PTPRR: variants seen among roughly 807,000 people sequenced by gnomAD.
PTPRR encodes receptor-type tyrosine-protein phosphatase R.
PTPRR carries 38 observed loss-of-function variants against 77.2 expected under a neutral mutation model. That is an observed-to-expected ratio of 0.49 (90% CI 0.38 to 0.65). PTPRR has a LOEUF of 0.65. Ranked by LOEUF, PTPRR falls within the 30% of genes least tolerant of loss-of-function variation. The pLI, the probability that PTPRR is intolerant of heterozygous loss-of-function variation, is 0.00. For synonymous variants in PTPRR, 299 were observed against 283.1 expected, an observed-to-expected ratio of 1.06 and a Z score of -0.57; for missense variants, 744 against 799.2, an observed-to-expected ratio of 0.93 and a Z score of 0.83.
At chr12:70,808,746 C>T (rs376573778) in intron 2 of PTPRR, among the ~76,000 whole-genome samples, 1 of 152,162 alleles carries the variant, frequency 6.6e-6, no homozygotes, top group Non-Finnish European at 1.5e-5. Context: ...TAGATCCAGA[C>T]ATATCATACT....
chr12:70,662,579 C>T lies in PTPRR; in HGVS notation c.1524G>A (p.Lys508=), dbSNP rs752288704. The T allele has an allele frequency of 6.2e-7, 1 of 1,611,446 alleles. No individual in the cohort carries two copies. The highest frequency in any genetic ancestry group is 1.1e-5 in the South Asian group (1 of 91,020). ...NEKCVLYWPE[K]RGIYGKVEVL... is the part of the protein sequence containing the mutation. The stretch of plus-strand genomic sequence containing the variant: ...CCTCAACTTTTCCATATATCCCTCT[C>T]TTTTCCGGCCAGTATAGCACACATT... The change falls in exon 11 of 14, where the codon AAG becomes AAA. Residue 508 remains lysine, a synonymous_variant. Transcript: ENST00000283228.
At chr12:70,870,978 C>T (rs574578383) in intron 2 of PTPRR, among the ~76,000 whole-genome samples, 1 of 152,138 alleles carries the variant, frequency 6.6e-6, no homozygotes, top group African/African-American at 2.4e-5. Context: ...AAAATATAAC[C>T]AACACTTGGG....
chr12:70,823,971 G>A (rs1418475120), intron 2 of PTPRR, among the ~76,000 whole-genome samples: 3 of 152,204 alleles, frequency 2.0e-5, no homozygotes, highest in Non-Finnish European at 4.4e-5. Flanking sequence ...CAGTGAGGGA[G>A]ACACAAGGGG....
At chr12:70,862,888 TC>T (rs1465740166) in intron 2 of PTPRR, among the ~76,000 whole-genome samples, 1 of 152,038 alleles carries the variant, frequency 6.6e-6, no homozygotes. Flanking sequence ...AAAGAAAAGA[TC>T]AATCAACTTA....
chr12:70,743,278 T>C lies in PTPRR; in HGVS notation c.1007+2540A>G, dbSNP rs1462911515. 3.3e-5 allele frequency among the ~76,000 whole-genome samples: 5 copies of C among 152,262 alleles called. No individual in the cohort carries two copies. In the East Asian group the frequency reaches 9.7e-4, roughly 29 times the overall value. On this transcript the variant is annotated intron_variant, in intron 6 of 13. Coordinates refer to ENST00000283228, the MANE Select transcript of PTPRR (RefSeq NM_002849.4). Reference sequence around the variant, plus strand: ...CTAGTGCTAGATGGGAAATGAAACATGTGCTTTGGATTTGGTAGTGAGACC... The same window carrying C: ...CTAGTGCTAGATGGGAAATGAAACACGTGCTTTGGATTTGGTAGTGAGACC...
intron 6 of PTPRR, among the ~76,000 whole-genome samples, chr12:70,709,521 C>T (rs34370304): frequency 0.068 from 10,355 of 152,074 alleles, 468 homozygotes; most frequent in South Asian, 0.12. Context: ...AGGAAGTAAA[C>T]TATCCCTGTT....
At chr12:70,815,083 C>T (rs966371151) in intron 2 of PTPRR, among the ~76,000 whole-genome samples, 1 of 148,194 alleles carries the variant, frequency 6.7e-6, no homozygotes, top group Non-Finnish European at 1.5e-5. Flanking sequence ...ACGCTCCATA[C>T]ACTTAATAAG....
intron 1 of PTPRR, among the ~76,000 whole-genome samples, chr12:70,899,604 A>G (rs1592823315): frequency 6.6e-6 from 1 of 151,610 alleles, no homozygotes; most frequent in East Asian, 1.9e-4. Context: ...CAAACCCCAC[A>G]GTACACATTA....
intron 6 of PTPRR, among the ~76,000 whole-genome samples, chr12:70,716,162 A>T (rs760051735): frequency 6.6e-6 from 1 of 152,126 alleles, no homozygotes; most frequent in Non-Finnish European, 1.5e-5. Context: ...TACCTCTTTT[A>T]TCTATCAGCT....
chr12:70,749,136 A>G (rs1267209002), intron 5 of PTPRR, among the ~76,000 whole-genome samples: 2 of 152,196 alleles, frequency 1.3e-5, no homozygotes, highest in Non-Finnish European at 2.9e-5. Context: ...TGTTCACAAG[A>G]CAGAGTGATA....
At chr12:70,738,128 T>C (rs1889931202) in intron 6 of PTPRR, among the ~76,000 whole-genome samples, 1 of 152,138 alleles carries the variant, frequency 6.6e-6, no homozygotes, top group Admixed American at 6.6e-5. Flanking sequence ...GCTTCCACCA[T>C]TGCAGACAAA....
intron 6 of PTPRR, among the ~76,000 whole-genome samples, chr12:70,745,486 CAG>C (rs148104040): frequency 2.5e-3 from 387 of 152,290 alleles, no homozygotes; most frequent in African/African-American, 8.9e-3. Context: ...TTCTACCTAC[CAG>C]AGTTTCATGA....
chr12:70,862,317 A>G (rs1451270278), intron 2 of PTPRR, among the ~76,000 whole-genome samples: 1 of 152,028 alleles, frequency 6.6e-6, no homozygotes, highest in Non-Finnish European at 1.5e-5. Context: ...GTTGTAGTAT[A>G]ATTAGTGTAG....
intron 8 of PTPRR, among the ~76,000 whole-genome samples, chr12:70,685,882 T>C (rs924459548): frequency 1.3e-5 from 2 of 152,116 alleles, no homozygotes; most frequent in African/African-American, 4.8e-5. Flanking sequence ...GAAACTAAGA[T>C]AGGTTAAATA....
chr12:70,837,641 C>G (rs1023639824), intron 2 of PTPRR, among the ~76,000 whole-genome samples: 2 of 152,074 alleles, frequency 1.3e-5, no homozygotes, highest in African/African-American at 4.8e-5. Flanking sequence ...GTTTCATGCC[C>G]TCTCTGGGTA....
chr12:70,890,784 T>A (rs972838070), intron 2 of PTPRR, among the ~76,000 whole-genome samples: 17 of 152,176 alleles, frequency 1.1e-4, no homozygotes, highest in African/African-American at 3.6e-4. Context: ...CAAACACACA[T>A]CAATTATTCC....
chr12:70,668,805 T>A (rs972313764), intron 10 of PTPRR, among the ~76,000 whole-genome samples: 4 of 152,126 alleles, frequency 2.6e-5, no homozygotes, highest in African/African-American at 9.6e-5. Flanking sequence ...AAATTAAAAA[T>A]AAAAATTTAA....
chr12:70,846,721 G>A (rs946952188), intron 2 of PTPRR, among the ~76,000 whole-genome samples: 7 of 152,100 alleles, frequency 4.6e-5, no homozygotes, highest in African/African-American at 1.7e-4. Context: ...ACCAGAGAGT[G>A]AGCCCTCACC....
chr12:70,707,106 A>G (rs1353283927), intron 6 of PTPRR, among the ~76,000 whole-genome samples: 2 of 152,270 alleles, frequency 1.3e-5, no homozygotes, highest in Non-Finnish European at 2.9e-5. Context: ...AGTATCACAC[A>G]TGCAAAATCA....
Sources: allele counts gnomAD v4.1 joint callset (sites outside exome capture counted in the v4.1 genomes callset), GRCh38; gene constraint gnomAD v4.1.1; transcripts MANE v1.5; gene names NCBI Gene and HGNC (gene_info 2026-07-23, HGNC 2026-07-21).